The following GCH1 variants were observed in gnomAD, a reference collection of about 807,000 sequenced individuals.
The protein encoded by GCH1 is GTP cyclohydrolase 1.
GCH1 carries 5 observed loss-of-function variants against 25.9 expected under a neutral mutation model. The ratio of observed to expected loss-of-function variants is 0.19; its 90% CI spans 0.10 to 0.41. The LOEUF (loss-of-function observed/expected upper bound fraction) is 0.41, where lower values mean the gene tolerates loss of function less well. Among genes scored for constraint, GCH1 ranks in the 10% least tolerant of loss-of-function variants. The pLI is 1.00. For missense variants in GCH1, 261 were observed against 336.5 expected (o/e 0.78, Z 1.75); for synonymous variants, 159 against 129.6 (o/e 1.23, Z -1.54).
At chr14:54,880,725 T>C (rs1165773300) in intron 1 of GCH1, among the ~76,000 whole-genome samples, 1 of 59,960 alleles carries the variant, frequency 1.7e-5, no homozygotes, top group Non-Finnish European at 2.6e-5. Flanking sequence ...TATACTCATA[T>C]ATATATATAT....
rs28532361 is a variant in GCH1, at chr14:54,860,193, T to C, written c.454-457A>G. 8.7e-3 allele frequency among the ~76,000 whole-genome samples: 1,326 copies of C among 152,360 alleles called. 19 individuals carry two copies. Among genetic ancestry groups the C allele is most frequent in the African/African-American group, 0.031 (1,274 of 41,582 alleles). ...AAAGAGCCATGTCTAAGTGGACCCA[T>C]GCAGTTCAAATTCATGTTGTTCAAG... is the stretch of plus-strand genomic sequence containing the variant. On this transcript the variant is annotated intron_variant, in intron 2 of 5. Transcript: ENST00000491895.
intron 1 of GCH1, among the ~76,000 whole-genome samples, chr14:54,900,845 TCACACACACACACACACA>T (rs3221690): frequency 1.3e-4 from 19 of 144,742 alleles, no homozygotes; most frequent in East Asian, 8.3e-4. Flanking sequence ...GTGAAATATC[TCACACACACACACACACA>T]CACACACACA....
At chr14:54,859,275 G>T (rs2878169) in intron 3 of GCH1, 18,630 of 242,470 alleles carry the variant, frequency 0.077, 1,126 homozygotes, top group Non-Finnish European at 0.11. Context: ...GAGTCCTCAG[G>T]CCTGACAACA....
chr14:54,901,816 G>C (rs190260173), intron 1 of GCH1, among the ~76,000 whole-genome samples: 3 of 152,210 alleles, frequency 2.0e-5, no homozygotes, highest in Admixed American at 6.5e-5. Context: ...CAAATCAGTG[G>C]GAATGCAGGT....
chr14:54,854,117 C>T (rs1408203261), intron 3 of GCH1, among the ~76,000 whole-genome samples: 1 of 152,202 alleles, frequency 6.6e-6, no homozygotes, highest in African/African-American at 2.4e-5. Context: ...ACAAGATTTT[C>T]AACTTGTAGA....
chr14:54,853,629 T>G (rs1158468625), intron 3 of GCH1, among the ~76,000 whole-genome samples: 1 of 152,210 alleles, frequency 6.6e-6, no homozygotes, highest in Non-Finnish European at 1.5e-5. Flanking sequence ...TAAACCATTC[T>G]TACATTCTTG....
intron 1 of GCH1, among the ~76,000 whole-genome samples, chr14:54,889,451 T>C (rs2040397013): frequency 6.6e-6 from 1 of 152,226 alleles, no homozygotes; most frequent in South Asian, 2.1e-4. Context: ...TTAGGACAAA[T>C]AAAAACTAAT....
intron 1 of GCH1, chr14:54,886,004 G>T: frequency 3.7e-6 from 1 of 267,322 alleles, no homozygotes; most frequent in South Asian, 4.3e-5. Context: ...GGCTCTGCCA[G>T]CTCCTGGAAT....
intron 1 of GCH1, among the ~76,000 whole-genome samples, chr14:54,866,741 A>G (rs2039994172): frequency 1.3e-5 from 2 of 152,172 alleles, no homozygotes; most frequent in South Asian, 2.1e-4. Context: ...AGACCAAGTC[A>G]TCACGTAAAC....
chr14:54,888,740 G>T (rs999822915), intron 1 of GCH1, among the ~76,000 whole-genome samples: 3 of 150,664 alleles, frequency 2.0e-5, no homozygotes, highest in African/African-American at 4.9e-5. Context: ...AGCCAAGATG[G>T]TCTCGATCTC....
chr14:54,874,831 A>G (rs1292263218), intron 1 of GCH1, among the ~76,000 whole-genome samples: 3 of 152,186 alleles, frequency 2.0e-5, no homozygotes, highest in East Asian at 3.8e-4. Flanking sequence ...ACTGCTCCAT[A>G]AAATAAAAGA....
At chr14:54,860,513 A>G (rs555890867) in intron 2 of GCH1, among the ~76,000 whole-genome samples, 1 of 150,256 alleles carries the variant, frequency 6.7e-6, no homozygotes, top group Admixed American at 6.6e-5. Context: ...CTGGTTTCTA[A>G]GCTGCTAGAG....
intron 1 of GCH1, among the ~76,000 whole-genome samples, chr14:54,890,576 T>C (rs1460465410): frequency 6.6e-6 from 1 of 152,180 alleles, no homozygotes; most frequent in African/African-American, 2.4e-5. Flanking sequence ...ATTACAAGGG[T>C]TGACTATGGC....
intron 1 of GCH1, among the ~76,000 whole-genome samples, chr14:54,893,476 C>G (rs1053736492): frequency 3.3e-5 from 5 of 151,954 alleles, no homozygotes; most frequent in African/African-American, 1.2e-4. Flanking sequence ...TAGAGGTGGA[C>G]AAAGCAAATA....
intron 2 of GCH1, 123 bp downstream of exon 2, chr14:54,865,204 A>G: frequency 1.6e-6 from 1 of 634,814 alleles, no homozygotes; most frequent in Non-Finnish European, 2.8e-6. Context: ...ATAACCATAT[A>G]TGTATAATTG....
At chr14:54,899,816 T>C (rs2040537688) in intron 1 of GCH1, among the ~76,000 whole-genome samples, 2 of 151,520 alleles carry the variant, frequency 1.3e-5, no homozygotes, top group Admixed American at 1.3e-4. Context: ...ATCCCCCTCT[T>C]CTCGCCAGTC....
chr14:54,847,217 T>C lies in GCH1; in HGVS notation c.510-87A>G, dbSNP rs146971856. 710 of 595,220 alleles carry C rather than the reference T, an allele frequency of 1.2e-3. 1 individual carries two copies. The highest frequency in any genetic ancestry group is 5.5e-3 in the Middle Eastern group (20 of 3,664). 36.9% of individuals were successfully genotyped at this position (595,220 alleles called of 1,614,324 possible). A position where few individuals can be genotyped will look rare whatever the true frequency, so the allele number is the denominator to read the frequency against. ...TCCTCATAAAACAAAAAGGACATTG[T>C]TGAAGCAAGTGGGCTGCAAGAGGAA... is the stretch of plus-strand genomic sequence containing the variant. On this transcript the variant is annotated intron_variant, in intron 3 of 5. Coordinates refer to ENST00000491895, the MANE Select transcript of GCH1 (RefSeq NM_000161.3).
Position 54,845,860 on chromosome 14 carries a change from T to A in GCH1, c.542-8A>T, listed in dbSNP as rs371788642. On this transcript the variant is annotated splice_polypyrimidine_tract_variant and splice_region_variant and intron_variant, in intron 4 of 5. Coordinates refer to ENST00000491895, the MANE Select transcript of GCH1 (RefSeq NM_000161.3). Reference sequence around the variant, plus strand: ...TTGTAAGGCGCTCCTGAACTGTGGATGTGATAAGGAGCTCAGTTTGAGAGT... The same window carrying A: ...TTGTAAGGCGCTCCTGAACTGTGGAAGTGATAAGGAGCTCAGTTTGAGAGT... 6.6e-7 allele frequency: 1 copy of A among 1,524,722 alleles called. No individual in the cohort carries two copies. The allele number at this position is 1,524,722 out of a possible 1,614,324, so 94.4% of individuals were successfully genotyped here. A position where few individuals can be genotyped will look rare whatever the true frequency, so the allele number is the denominator to read the frequency against.
chr14:54,847,221 A>G, intron 3 of GCH1, 91 bp from the exon 4 acceptor site: 1 of 588,242 alleles, frequency 1.7e-6, no homozygotes. Flanking sequence ...ACATTGTTGA[A>G]GCAAGTGGGC....
Sources: allele counts gnomAD v4.1 joint callset (sites outside exome capture counted in the v4.1 genomes callset), GRCh38; gene constraint gnomAD v4.1.1; transcripts MANE v1.5; gene names NCBI Gene and HGNC (gene_info 2026-07-23, HGNC 2026-07-21).